LAMA4: variants seen among roughly 807,000 people sequenced by gnomAD.
LAMA4 encodes laminin subunit alpha 4, also known as laminin subunit alpha-4.
In LAMA4, 127 loss-of-function variants were observed where a neutral mutation model predicts 207.1. That is an observed-to-expected ratio of 0.61 (90% CI 0.53 to 0.71). The LOEUF (loss-of-function observed/expected upper bound fraction) is 0.71, where lower values mean the gene tolerates loss of function less well. Among genes scored for constraint, LAMA4 ranks in the 30% least tolerant of loss-of-function variants. LAMA4 has a pLI of 0.00. For missense variants in LAMA4, 2,093 were observed against 2,246.5 expected, an observed-to-expected ratio of 0.93 and a Z score of 1.38; for synonymous variants, 761 against 816.0, an observed-to-expected ratio of 0.93 and a Z score of 1.15.
At chr6:112,134,181 A>G (rs190052149) in intron 26 of LAMA4, among the ~76,000 whole-genome samples, 3 of 152,326 alleles carry the variant, frequency 2.0e-5, no homozygotes, top group East Asian at 3.9e-4. Context: ...CACAATACAC[A>G]TGTTCCACCG....
rs782282356 is a variant in LAMA4 at position 112,175,446 on chromosome 6, C to T, written c.1224G>A (p.Glu408=). 15 of 1,614,062 alleles carry T rather than the reference C, an allele frequency of 9.3e-6. No individual in the cohort carries two copies. Among genetic ancestry groups the T allele is most frequent in the Admixed American group, 5.0e-5 (3 of 60,002 alleles). The part of the protein sequence containing the change: ...INNKMLYYGE[E]HELSPKEISE... ...AGATTTCCTTGGGGCTAAGTTCATGCTCTTCCCCATAATAGAGCATCTTGT... is the reference window on the plus strand; with the variant it reads ...AGATTTCCTTGGGGCTAAGTTCATGTTCTTCCCCATAATAGAGCATCTTGT... The change falls in exon 11 of 39, where the codon GAG becomes GAA. Residue 408 remains glutamate, a synonymous_variant. Transcript: ENST00000230538.
chr6:112,214,082 G>C (rs782617770), intron 3 of LAMA4: 37 of 737,290 alleles, frequency 5.0e-5, no homozygotes, highest in South Asian at 2.1e-4. Flanking sequence ...TGGGATAGCG[G>C]CACCAAAGGA....
At chr6:112,220,373 G>C (rs1304525310) in intron 2 of LAMA4, among the ~76,000 whole-genome samples, 4 of 152,080 alleles carry the variant, frequency 2.6e-5, no homozygotes, top group African/African-American at 9.7e-5. Flanking sequence ...GTTATATTTA[G>C]TATGAGGTCT....
intron 8 of LAMA4, chr6:112,186,760 T>C (rs1373803032): frequency 2.2e-6 from 1 of 449,364 alleles, no homozygotes; most frequent in Non-Finnish European, 4.4e-6. Flanking sequence ...TTATTTTTTA[T>C]TGTTTTTATA....
At chr6:112,224,473 T>C (rs1785093652) in intron 2 of LAMA4, among the ~76,000 whole-genome samples, 2 of 152,172 alleles carry the variant, frequency 1.3e-5, no homozygotes, top group South Asian at 4.1e-4. Context: ...CTGGCTCTGC[T>C]TCCATTGCAC....
intron 3 of LAMA4, among the ~76,000 whole-genome samples, chr6:112,213,014 A>C (rs4945899): frequency 0.48 from 73,288 of 152,088 alleles, 19,583 homozygotes; most frequent in African/African-American, 0.72. Context: ...AATAAGAAAC[A>C]AATTAGCCTT....
Position 112,187,440 on chromosome 6 carries a change from T to C in LAMA4, c.966+10A>G. The stretch of plus-strand genomic sequence containing the variant: ...GAAAACAGAGTGGAAAGTAGAACAT[T>C]CCTGCGTACTTTGAGGAGGTAGATG... On this transcript the variant is annotated intron_variant, in intron 8 of 38. Coordinates refer to ENST00000230538, the MANE Select transcript of LAMA4 (RefSeq NM_001105206.3). The C allele has an allele frequency of 6.2e-7, 1 of 1,614,014 alleles. No individual in the cohort carries two copies. Among genetic ancestry groups the C allele is most frequent in the Non-Finnish European group, 8.5e-7 (1 of 1,179,942 alleles).
Position 112,110,790 on chromosome 6 carries a change from G to C in LAMA4, c.5327-1208C>G, listed in dbSNP as rs954087069. 3.3e-5 allele frequency among the ~76,000 whole-genome samples: 5 copies of C among 152,228 alleles called. No individual in the cohort carries two copies. In the South Asian group the frequency reaches 1.0e-3, roughly 32 times the overall value. On this transcript the variant is annotated intron_variant, in intron 38 of 38. Transcript: ENST00000230538. ...GCTTACCATCCTTTGGCTTATGAGG[G>C]AAATCATCTGGAGGTAATAATTCAT...
intron 2 of LAMA4, chr6:112,253,715 A>T: frequency 6.3e-7 from 1 of 1,595,698 alleles, no homozygotes; most frequent in Middle Eastern, 1.7e-4. Context: ...GAGCACCAAC[A>T]CATGCACTCT....
At chr6:112,147,014 A>G (rs1780069108) in intron 18 of LAMA4, among the ~76,000 whole-genome samples, 1 of 152,230 alleles carries the variant, frequency 6.6e-6, no homozygotes, top group South Asian at 2.1e-4. Context: ...TAGAGTACTT[A>G]TAAAGTGTCT....
chr6:112,129,967 C>T lies in LAMA4; in HGVS notation c.4042G>A (p.Ala1348Thr). 3.1e-6 allele frequency: 5 copies of T among 1,613,144 alleles called. No individual in the cohort carries two copies. The highest frequency in any genetic ancestry group is 3.3e-5 in the Admixed American group (2 of 59,948). ...PTKGKIEQTQ[A>T]SEKKFYFGGS... ...CCGAAGTAAAACTTCTTTTCACTTG[C>T]TTGTGTCTGTTCTATTTTCCCTTTG... The change falls in exon 30 of 39, where the codon GCA becomes ACA. Residue 1348 changes from alanine to threonine, a missense_variant. By Grantham distance (58) the Ala-to-Thr change is moderately conservative. Transcript: ENST00000230538.
rs397516713 is a variant in LAMA4, at chr6:112,185,228, C to CA, written c.1077+8dup. On this transcript the variant is annotated intron_variant, in intron 9 of 38. Transcript: ENST00000230538. ...GGCTGTCCCAGAAACTGAATACATA[C>CA]ATACGTACCTTTTCAACTAATTCCT... 1.2e-5 allele frequency: 18 copies of CA among 1,537,790 alleles called. No homozygotes were observed. In the African/African-American group the frequency reaches 2.5e-4, roughly 21 times the overall value.
intron 12 of LAMA4, among the ~76,000 whole-genome samples, chr6:112,169,419 C>T (rs1475302852): frequency 2.6e-5 from 4 of 152,164 alleles, no homozygotes; most frequent in Non-Finnish European, 5.9e-5. Context: ...CGTGGCTATT[C>T]CTGCAGAAAG....
At chr6:112,250,407 T>C (rs1787355237) in intron 2 of LAMA4, among the ~76,000 whole-genome samples, 1 of 152,224 alleles carries the variant, frequency 6.6e-6, no homozygotes, top group Non-Finnish European at 1.5e-5. Flanking sequence ...GTCTGCTTTA[T>C]AGAGTTTCTT....
chr6:112,129,686 T>C (rs1386630882), intron 30 of LAMA4, among the ~76,000 whole-genome samples, 190 bp downstream of exon 30: 2 of 152,098 alleles, frequency 1.3e-5, no homozygotes, highest in Non-Finnish European at 2.9e-5. Flanking sequence ...GTCAAGGTCA[T>C]ATGGAAATTA....
intron 2 of LAMA4, among the ~76,000 whole-genome samples, chr6:112,241,990 A>T (rs908600360): frequency 1.1e-4 from 16 of 152,178 alleles, no homozygotes; most frequent in Admixed American, 9.2e-4. Flanking sequence ...CTTGTTACCA[A>T]GAAAAACATC....
At chr6:112,121,820 A>G in intron 32 of LAMA4, 194 bp downstream of exon 32, 1 of 565,938 alleles carries the variant, frequency 1.8e-6, no homozygotes, top group Non-Finnish European at 3.2e-6. Flanking sequence ...TGAACCTTAC[A>G]ATTGGAAAGT....
chr6:112,220,682 T>C (rs183202103), intron 2 of LAMA4, among the ~76,000 whole-genome samples: 1 of 152,266 alleles, frequency 6.6e-6, no homozygotes, highest in Admixed American at 6.5e-5. Flanking sequence ...TTTGTCTTCA[T>C]TTGAAGAGCC....
At chr6:112,186,779 T>A (rs1444563953) in intron 8 of LAMA4, 1 of 449,984 alleles carries the variant, frequency 2.2e-6, no homozygotes, top group Non-Finnish European at 4.4e-6. Context: ...TAAAATATAT[T>A]TTCTATCTGT....
Sources: gnomAD v4.1 joint callset for allele counts (sites outside exome capture counted in the v4.1 genomes callset) on GRCh38, gnomAD v4.1.1 for gene constraint, MANE v1.5 for transcripts, NCBI Gene and HGNC (gene_info 2026-07-23, HGNC 2026-07-21) for gene names.